Variants in CACNB4 observed in about 807,000 individuals in gnomAD.
CACNB4 encodes the protein voltage-dependent L-type calcium channel subunit beta-4.
CACNB4 carries 32 observed loss-of-function variants against 71.2 expected under a neutral mutation model. The observed-to-expected ratio is 0.45, with a 90% CI of 0.34 to 0.60. CACNB4 has a LOEUF of 0.60. Ranked by LOEUF, CACNB4 falls within the 20% of genes least tolerant of loss-of-function variation. CACNB4 has a pLI of 0.01. For synonymous variants in CACNB4, 231 were observed against 236.9 expected (o/e 0.97, Z 0.23); for missense variants, 464 against 647.9 (o/e 0.72, Z 3.08).
intron 2 of CACNB4, among the ~76,000 whole-genome samples, chr2:152,037,750 T>G (rs1008972003): frequency 6.6e-6 from 1 of 152,200 alleles, no homozygotes; most frequent in Non-Finnish European, 1.5e-5. Context: ...AGACATGGCC[T>G]CCCTCTGAGA....
intron 2 of CACNB4, among the ~76,000 whole-genome samples, chr2:152,081,501 A>G (rs1687352267): frequency 6.6e-6 from 1 of 151,038 alleles, no homozygotes; most frequent in Non-Finnish European, 1.5e-5. Context: ...AAGAAAAAGA[A>G]AAAAAAAAGA....
intron 12 of CACNB4, among the ~76,000 whole-genome samples, chr2:151,847,479 A>G (rs1191609660): frequency 6.6e-6 from 1 of 152,196 alleles, no homozygotes; most frequent in Non-Finnish European, 1.5e-5. Context: ...AATCAACCCA[A>G]TGGTTCTTTC....
intron 2 of CACNB4, among the ~76,000 whole-genome samples, chr2:151,915,068 T>C (rs1383508035): frequency 6.6e-6 from 1 of 152,106 alleles, no homozygotes; most frequent in African/African-American, 2.4e-5. Flanking sequence ...TCCTCAGAAC[T>C]ACCAAGAGGA....
intron 12 of CACNB4, among the ~76,000 whole-genome samples, chr2:151,847,863 G>T (rs2099838011): frequency 6.6e-6 from 1 of 152,206 alleles, no homozygotes; most frequent in Non-Finnish European, 1.5e-5. Context: ...TCCAACCGGG[G>T]TGACAATATT....
intron 4 of CACNB4, chr2:151,880,010 A>T (rs970455705): frequency 5.9e-5 from 9 of 152,222 alleles, no homozygotes; most frequent in Non-Finnish European, 1.3e-4. Flanking sequence ...AATCAACTTA[A>T]CCATTCAGAT....
At chr2:151,999,428 T>A (rs1361382319) in intron 2 of CACNB4, among the ~76,000 whole-genome samples, 2 of 151,986 alleles carry the variant, frequency 1.3e-5, no homozygotes, top group Non-Finnish European at 2.9e-5. Context: ...AGTGAGATTC[T>A]GGGATGAAAA....
intron 10 of CACNB4, among the ~76,000 whole-genome samples, chr2:151,856,186 A>G (rs1438852202): frequency 1.3e-5 from 2 of 150,754 alleles, no homozygotes; most frequent in African/African-American, 2.4e-5. Context: ...GATAATCAAC[A>G]TAGGACATGG....
chr2:152,006,530 A>G (rs1682740285), intron 2 of CACNB4, among the ~76,000 whole-genome samples: 1 of 151,220 alleles, frequency 6.6e-6, no homozygotes, highest in Admixed American at 6.6e-5. Flanking sequence ...CCTCCCAAGT[A>G]GCTGGGACTA....
intron 2 of CACNB4, chr2:151,973,410 T>C (rs1379204874): frequency 8.2e-6 from 4 of 489,380 alleles, no homozygotes; most frequent in African/African-American, 3.9e-5. Context: ...GACCCGGTAA[T>C]GTATAAATTC....
At chr2:151,908,007 C>T (rs1316621899) in intron 2 of CACNB4, among the ~76,000 whole-genome samples, 3 of 152,160 alleles carry the variant, frequency 2.0e-5, no homozygotes, top group Non-Finnish European at 2.9e-5. Flanking sequence ...CAAATATTCT[C>T]CAAGAGGCTT....
intron 2 of CACNB4, among the ~76,000 whole-genome samples, chr2:151,942,878 A>C (rs1354179944): frequency 6.6e-6 from 1 of 152,184 alleles, no homozygotes; most frequent in African/African-American, 2.4e-5. Flanking sequence ...CTGTTGTTTA[A>C]GATATTTATC....
At chr2:151,989,362 T>C (rs1476530247) in intron 2 of CACNB4, among the ~76,000 whole-genome samples, 1 of 152,232 alleles carries the variant, frequency 6.6e-6, no homozygotes, top group Non-Finnish European at 1.5e-5. Flanking sequence ...TTCAATAATC[T>C]GGCCTTTATC....
chr2:151,971,741 G>C (rs567075642), intron 2 of CACNB4: 2 of 641,864 alleles, frequency 3.1e-6, no homozygotes, highest in East Asian at 2.7e-5. Flanking sequence ...AGCATTCAGA[G>C]TCAGTTCACC....
At chr2:152,084,646 G>A (rs142110340) in intron 2 of CACNB4, among the ~76,000 whole-genome samples, 429 of 152,250 alleles carry the variant, frequency 2.8e-3, no homozygotes, top group Non-Finnish European at 5.1e-3. Flanking sequence ...GTCTCACTGT[G>A]TCAACCAGGC....
rs139795987 is a variant in CACNB4, at chr2:151,920,863, G to T, written c.148-37493C>A. Among the ~76,000 whole-genome samples the T allele has an allele frequency of 7.7e-3, 1,179 of 152,218 alleles. 8 individuals are homozygous for T. Among genetic ancestry groups the T allele is most frequent in the Non-Finnish European group, 0.014 (953 of 68,030 alleles). The stretch of plus-strand genomic sequence containing the variant: ...CATCTTAAAACTTACTTGAGGCCAG[G>T]CACGGTGACTCACGCCTGTAATCCT... On this transcript the variant is annotated intron_variant, in intron 2 of 13. Coordinates refer to ENST00000539935, the MANE Select transcript of CACNB4 (RefSeq NM_000726.5).
At chr2:151,993,588 G>A (rs1474116895) in intron 2 of CACNB4, among the ~76,000 whole-genome samples, 6 of 149,096 alleles carry the variant, frequency 4.0e-5, no homozygotes, top group African/African-American at 1.5e-4. Context: ...TTTTTGAGAC[G>A]GAGTCTTGCT....
At chr2:151,927,053 GAGA>G (rs1251958532) in intron 2 of CACNB4, among the ~76,000 whole-genome samples, 1 of 152,114 alleles carries the variant, frequency 6.6e-6, no homozygotes, top group Non-Finnish European at 1.5e-5. Flanking sequence ...ACATTATTCT[GAGA>G]AGGAGTCCAC....
intron 2 of CACNB4, among the ~76,000 whole-genome samples, chr2:151,942,860 C>T (rs958798927): frequency 9.2e-5 from 14 of 152,084 alleles, no homozygotes; most frequent in African/African-American, 3.4e-4. Flanking sequence ...GCTCTCGAAC[C>T]CTGTTTTCTG....
Position 152,050,885 on chromosome 2 carries a change from C to T in CACNB4, c.147+47445G>A, listed in dbSNP as rs1168438766. ...GATCTACCGGGTTCAAGTGATCCTT[C>T]TGCCTCAGGTCCCCAGGTAGCTGGG... On this transcript the variant is annotated intron_variant, in intron 2 of 13. Transcript: ENST00000539935. 2.0e-5 allele frequency among the ~76,000 whole-genome samples: 3 copies of T among 152,168 alleles called. No individual in the cohort carries two copies. The East Asian group carries it at 5.8e-4, about 30-fold the overall frequency.
Sources: allele counts gnomAD v4.1 joint callset (sites outside exome capture counted in the v4.1 genomes callset), GRCh38; gene constraint gnomAD v4.1.1; transcripts MANE v1.5; gene names NCBI Gene and HGNC (gene_info 2026-07-23, HGNC 2026-07-21).